Variants in RTN4 observed in about 807,000 individuals in gnomAD.
RTN4 encodes reticulon-4.
In RTN4, 32 loss-of-function variants were observed where a neutral mutation model predicts 90.4. The observed-to-expected ratio is 0.35, with a 90% CI of 0.27 to 0.48. The LOEUF (loss-of-function observed/expected upper bound fraction) is 0.48. Among genes scored for constraint, RTN4 ranks in the 20% least tolerant of loss-of-function variants. The probability of loss-of-function intolerance (pLI) is 0.99; values close to 1 mark genes in which losing one functional copy is unlikely to be tolerated. For synonymous variants in RTN4, 629 were observed against 552.5 expected (o/e 1.14, Z -1.94); for missense variants, 1,706 against 1,430.2 (o/e 1.19, Z -3.11).
chr2:55,010,427 G>A, intron 3 of RTN4: 1 of 1,046,728 alleles, frequency 9.6e-7, no homozygotes, highest in East Asian at 4.0e-5. Flanking sequence ...GCATTTGCAG[G>A]GAGAGGGCAG....
chr2:54,979,287 G>A (rs1677927325), intron 5 of RTN4, among the ~76,000 whole-genome samples: 1 of 151,796 alleles, frequency 6.6e-6, no homozygotes, highest in Admixed American at 6.6e-5. Context: ...CAAACTCCTG[G>A]CCTCAAGCAA....
the RTN4 span, among the ~76,000 whole-genome samples, chr2:55,132,638 C>A: frequency 2.0e-5 from 3 of 151,744 alleles, no homozygotes; most frequent in African/African-American, 7.3e-5. Context: ...ATGGTATACC[C>A]CTGTCTCTAC....
chr2:55,073,595 A>G (rs1171178519), intron 2 of RTN4, among the ~76,000 whole-genome samples: 1 of 152,240 alleles, frequency 6.6e-6, no homozygotes, highest in East Asian at 1.9e-4. Context: ...ATTTGTATGA[A>G]GATACACTAC....
the RTN4 span, among the ~76,000 whole-genome samples, chr2:55,121,933 T>C: frequency 6.6e-6 from 1 of 152,146 alleles, no homozygotes; most frequent in Non-Finnish European, 1.5e-5. Flanking sequence ...CTAGAGTACA[T>C]AACAAAATTT....
At position 55,050,007 on chromosome 2, in the gene RTN4, G is replaced by A. The variant is rs542671063; in HGVS notation, c.294C>T (p.Pro98=). ...PAPRGPLPAA[P]PVAPERQPSW... ...ACGGCTGCCGCTCCGGGGCGACGGG[G>A]GGAGCGGCCGGCAGGGGTCCCCGGG... Residue 98 remains proline, a synonymous_variant, in exon 1 of 9, where the codon CCC becomes CCT. Coordinates refer to ENST00000337526, the MANE Select transcript of RTN4 (RefSeq NM_020532.5). The surrounding 1 kb of genome is among the most constrained non-coding windows in gnomAD (Gnocchi z 4.6). The A allele has an allele frequency of 5.8e-6, 8 of 1,380,306 alleles. No homozygotes were observed. Among genetic ancestry groups the A allele is most frequent in the Middle Eastern group, 2.4e-4 (1 of 4,214 alleles). The allele number at this position is 1,380,306 out of a possible 1,614,324, so 85.5% of individuals were successfully genotyped here. A position where few individuals can be genotyped will look rare whatever the true frequency, so the allele number is the denominator to read the frequency against.
intron 3 of RTN4, among the ~76,000 whole-genome samples, chr2:55,015,472 A>G (rs1457774891): frequency 6.6e-6 from 1 of 152,230 alleles, no homozygotes; most frequent in Non-Finnish European, 1.5e-5. Context: ...AGGGAAAACT[A>G]TAACACAAGA....
intron 1 of RTN4, among the ~76,000 whole-genome samples, chr2:55,107,524 A>G (rs1422145503): frequency 6.6e-6 from 1 of 151,842 alleles, no homozygotes; most frequent in Non-Finnish European, 1.5e-5. Flanking sequence ...AGCCAGTATG[A>G]GACTGCCTGG....
chr2:54,981,749 G>A (rs911287796), intron 5 of RTN4, among the ~76,000 whole-genome samples: 1 of 151,976 alleles, frequency 6.6e-6, no homozygotes, highest in Admixed American at 6.6e-5. Context: ...ATTAGTTGAA[G>A]TGTTTCAGAA....
chr2:55,086,499 A>T (rs201819165), intron 1 of RTN4, among the ~76,000 whole-genome samples: 1 of 2,382 alleles, frequency 4.2e-4, no homozygotes, highest in East Asian at 0.031. Flanking sequence ...AATCTCTACA[A>T]AAAAAAAAAA....
intron 3 of RTN4, among the ~76,000 whole-genome samples, chr2:54,995,679 T>C (rs1362526440): frequency 6.6e-6 from 1 of 152,174 alleles, no homozygotes; most frequent in African/African-American, 2.4e-5. Context: ...GAACCAACCC[T>C]GGACAGGACA....
At chr2:55,006,515 A>T (rs151024634) in intron 3 of RTN4, among the ~76,000 whole-genome samples, 10 of 152,258 alleles carry the variant, frequency 6.6e-5, no homozygotes, top group Non-Finnish European at 1.5e-4. Flanking sequence ...AGAGCCCTAA[A>T]AGAATCTCTA....
chr2:55,125,033 C>T, the RTN4 span, among the ~76,000 whole-genome samples: 9 of 152,226 alleles, frequency 5.9e-5, no homozygotes, highest in East Asian at 5.8e-4. Context: ...GAAAATGGAC[C>T]CCTTTCTTAT....
At position 55,025,598 on chromosome 2, in the gene RTN4, T is replaced by A. The variant is rs746515781; in HGVS notation, c.2501A>T (p.Glu834Val). The A allele has an allele frequency of 7.4e-6, 12 of 1,613,398 alleles. No individual in the cohort carries two copies. In the East Asian group the frequency reaches 2.0e-4, roughly 27 times the overall value. ...ATTTGAATAAACTGCAGTACTGAGC[T>A]CCTCCATCTGCAAAGGAATTTTCTC... The part of the protein sequence containing the change: ...KKEKIPLQME[E>V]LSTAVYSNDD... The change falls in exon 3 of 9, where the codon GAG becomes GTG. Residue 834 changes from glutamate to valine, a missense_variant. Coordinates refer to ENST00000337526, the MANE Select transcript of RTN4 (RefSeq NM_020532.5).
At chr2:55,059,309 TG>T (rs1668247579) in intron 2 of RTN4, among the ~76,000 whole-genome samples, 1 of 38,314 alleles carries the variant, frequency 2.6e-5, no homozygotes, top group African/African-American at 6.3e-5. Context: ...TAGACTTAAT[TG>T]TTTTTTTTTT....
At position 54,972,926 on chromosome 2, in the gene RTN4, T is replaced by C; in HGVS notation, c.*230A>G. The C allele has an allele frequency of 2.6e-6, 1 of 387,980 alleles. No individual in the cohort carries two copies. The highest frequency in any genetic ancestry group is 3.7e-5 in the East Asian group (1 of 26,848). 24.0% of individuals were successfully genotyped at this position (387,980 alleles called of 1,614,324 possible). On this transcript the variant is annotated 3_prime_UTR_variant, in exon 9 of 9. Coordinates refer to ENST00000337526, the MANE Select transcript of RTN4 (RefSeq NM_020532.5). The stretch of plus-strand genomic sequence containing the variant: ...TCAGATAGATAGGAAAAAGATATGA[T>C]TACGGTTTAAATCCATACATAGCAG...
intron 3 of RTN4, among the ~76,000 whole-genome samples, chr2:55,008,183 T>C (rs1332655031): frequency 8.2e-6 from 1 of 122,410 alleles, no homozygotes; most frequent in Non-Finnish European, 1.8e-5. Context: ...ACACCACCTT[T>C]TAAAGAACAC....
intron 3 of RTN4, among the ~76,000 whole-genome samples, chr2:55,018,661 A>G (rs1681212003): frequency 6.6e-6 from 1 of 152,184 alleles, no homozygotes; most frequent in African/African-American, 2.4e-5. Context: ...AGAGACAAAT[A>G]TGAAATCAGG....
chr2:55,007,716 G>A (rs1680332520), intron 3 of RTN4, among the ~76,000 whole-genome samples: 1 of 152,040 alleles, frequency 6.6e-6, no homozygotes, highest in African/African-American at 2.4e-5. Context: ...CAAGGAATCT[G>A]CATTTTTAAG....
At chr2:55,004,966 G>A (rs1321090753) in intron 3 of RTN4, among the ~76,000 whole-genome samples, 1 of 152,072 alleles carries the variant, frequency 6.6e-6, no homozygotes, top group Non-Finnish European at 1.5e-5. Context: ...CTTTGATAAG[G>A]ACTACTTCAG....
Sources: allele counts gnomAD v4.1 joint callset (sites outside exome capture counted in the v4.1 genomes callset), GRCh38; gene constraint gnomAD v4.1.1; non-coding constraint Gnocchi (gnomAD v3.1); transcripts MANE v1.5; gene names NCBI Gene and HGNC (gene_info 2026-07-23, HGNC 2026-07-21).